Variants in HEG1 observed in about 807,000 individuals in gnomAD.
HEG1 encodes heart development protein with EGF like domains 1.
HEG1 carries 56 observed loss-of-function variants against 125.6 expected under a neutral mutation model. The ratio of observed to expected loss-of-function variants is 0.45; its 90% CI spans 0.36 to 0.56. HEG1 has a LOEUF of 0.56. HEG1 is among the 20% of genes least tolerant of loss of function. The pLI, the probability that HEG1 is intolerant of heterozygous loss-of-function variation, is 0.00. For synonymous variants in HEG1, 644 were observed against 668.5 expected (o/e 0.96, Z 0.57); for missense variants, 1,523 against 1,670.0 (o/e 0.91, Z 1.53).
chr3:124,981,308 T>C lies in HEG1; in HGVS notation c.3734-3362A>G, dbSNP rs113428470. Among the ~76,000 whole-genome samples the C allele has an allele frequency of 1.3e-3, 191 of 151,040 alleles. 1 individual carries two copies. Among genetic ancestry groups the C allele is most frequent in the African/African-American group, 4.5e-3 (186 of 41,078 alleles). On this transcript the variant is annotated intron_variant, in intron 14 of 16. Coordinates refer to ENST00000311127, the MANE Select transcript of HEG1 (RefSeq NM_020733.2). ...TGTGGACTGATATATTTGTGAAATA[T>C]AATAAAACTCTTTTCCAAGGCTCCC...
chr3:125,031,680 TACAC>T (rs10553826), intron 1 of HEG1, among the ~76,000 whole-genome samples: 3 of 125,198 alleles, frequency 2.4e-5, no homozygotes, highest in African/African-American at 8.4e-5. Flanking sequence ...CATACATACA[TACAC>T]ACACACACAC....
chr3:125,037,297 G>A (rs1352100732), intron 1 of HEG1, among the ~76,000 whole-genome samples: 4 of 152,164 alleles, frequency 2.6e-5, no homozygotes, highest in South Asian at 4.1e-4. Flanking sequence ...CCAGGTCTAC[G>A]GACCTGGAGA....
chr3:124,978,972 C>T (rs557219612), intron 14 of HEG1, among the ~76,000 whole-genome samples: 21 of 147,864 alleles, frequency 1.4e-4, no homozygotes, highest in East Asian at 1.4e-3. Context: ...TTTTCCGAGA[C>T]GGAGTCTTGC....
chr3:125,024,792 A>C (rs574013480), intron 3 of HEG1, among the ~76,000 whole-genome samples: 2 of 152,338 alleles, frequency 1.3e-5, no homozygotes, highest in East Asian at 3.9e-4. Context: ...ATACACGTGG[A>C]ATCATAGATG....
intron 12 of HEG1, among the ~76,000 whole-genome samples, chr3:124,995,806 C>T (rs1481321382): frequency 6.6e-6 from 1 of 152,214 alleles, no homozygotes; most frequent in African/African-American, 2.4e-5. Context: ...TTGCTGGTGC[C>T]TGTGTCAGCA....
intron 1 of HEG1, among the ~76,000 whole-genome samples, chr3:125,039,848 AAC>A (rs1937578487): frequency 6.7e-6 from 1 of 149,494 alleles, no homozygotes. Flanking sequence ...AAAAAAAAAA[AAC>A]AACAAAAAAA....
intron 1 of HEG1, among the ~76,000 whole-genome samples, chr3:125,034,626 T>C (rs1937535344): frequency 6.6e-6 from 1 of 152,044 alleles, no homozygotes; most frequent in Admixed American, 6.6e-5. Flanking sequence ...AGTGAGACCT[T>C]GTCTCTACAA....
chr3:124,972,356 A>G (rs1045805314), intron 16 of HEG1, among the ~76,000 whole-genome samples: 1 of 152,258 alleles, frequency 6.6e-6, no homozygotes. Flanking sequence ...CCTGATAAAC[A>G]GAGAAACAAA....
chr3:124,988,037 T>G (rs1420948653), intron 14 of HEG1, among the ~76,000 whole-genome samples: 1 of 150,724 alleles, frequency 6.6e-6, no homozygotes, highest in African/African-American at 2.4e-5. Context: ...AATTTCTGTC[T>G]GATTATTCAG....
chr3:125,044,365 G>T (rs1241304903), intron 1 of HEG1, among the ~76,000 whole-genome samples: 1 of 152,110 alleles, frequency 6.6e-6, no homozygotes, highest in Non-Finnish European at 1.5e-5. Context: ...GCTGAAAAGA[G>T]AAATAAGACA....
intron 12 of HEG1, among the ~76,000 whole-genome samples, chr3:124,994,698 G>T (rs1466864234): frequency 6.6e-6 from 1 of 152,080 alleles, no homozygotes; most frequent in Non-Finnish European, 1.5e-5. Flanking sequence ...TACAGACAGG[G>T]TTTCACCATA....
chr3:124,999,021 C>T lies in HEG1; in HGVS notation c.3518-1198G>A, dbSNP rs145607889. On this transcript the variant is annotated intron_variant, in intron 11 of 16. Transcript: ENST00000311127. ...GCCAACCTATTCAGAAGCCAGGTAC[C>T]CCTTTTAATGCTGCAAAACTGCCCC... 5.2e-3 allele frequency among the ~76,000 whole-genome samples: 789 copies of T among 152,266 alleles called. 8 individuals are homozygous for T. The highest frequency in any genetic ancestry group is 0.018 in the African/African-American group (756 of 41,540).
intron 1 of HEG1, among the ~76,000 whole-genome samples, chr3:125,032,094 G>A (rs1384591789): frequency 6.6e-6 from 1 of 152,134 alleles, no homozygotes; most frequent in East Asian, 1.9e-4. Flanking sequence ...TTAAAATCCA[G>A]TGAATGTTTT....
intron 3 of HEG1, among the ~76,000 whole-genome samples, chr3:125,023,536 G>T (rs796218111): frequency 6.6e-6 from 1 of 152,064 alleles, no homozygotes; most frequent in African/African-American, 2.4e-5. Flanking sequence ...TAATCCTCAC[G>T]GGAAAGCTAT....
At chr3:125,041,432 C>T (rs1253419502) in intron 1 of HEG1, among the ~76,000 whole-genome samples, 1 of 152,122 alleles carries the variant, frequency 6.6e-6, no homozygotes, top group African/African-American at 2.4e-5. Context: ...AGGCTATTAT[C>T]AAAAAGGAAG....
At chr3:124,981,567 T>A (rs1434362671) in intron 14 of HEG1, among the ~76,000 whole-genome samples, 1 of 152,210 alleles carries the variant, frequency 6.6e-6, no homozygotes, top group African/African-American at 2.4e-5. Flanking sequence ...TCAGTCATAC[T>A]GGGCAGGGGC....
At position 125,002,270 on chromosome 3, in the gene HEG1, C is replaced by A; in HGVS notation, c.3343G>T (p.Val1115Phe). 1.2e-6 allele frequency: 2 copies of A among 1,613,434 alleles called. No individual in the cohort carries two copies. Among genetic ancestry groups the A allele is most frequent in the Non-Finnish European group, 1.7e-6 (2 of 1,179,518 alleles). Residue 1115 changes from valine (V) to phenylalanine (F), a missense_variant, in exon 10 of 17, where the codon GTT becomes TTT. Val to Phe is a conservative substitution (Grantham distance 50, BLOSUM62 -1). Transcript: ENST00000311127. ...TCTGTTACTTACCTAGAGGCGTGAA[C>A]TGTAGATCGGATGTAACTAGGTAAC... is the stretch of plus-strand genomic sequence containing the variant. ...SALPSYIRST[V>F]HASRESNAVV...
At chr3:124,980,478 C>G (rs1483786004) in intron 14 of HEG1, among the ~76,000 whole-genome samples, 5 of 152,210 alleles carry the variant, frequency 3.3e-5, no homozygotes. Context: ...ATGGTGTACA[C>G]CAGTGCTTCT....
intron 16 of HEG1, among the ~76,000 whole-genome samples, chr3:124,973,017 A>ATTT (rs386397828): frequency 3.3e-5 from 5 of 150,428 alleles, no homozygotes; most frequent in Non-Finnish European, 7.4e-5. Context: ...TATTATTGCT[A>ATTT]TTATTATTAT....
Sources: allele counts gnomAD v4.1 joint callset (sites outside exome capture counted in the v4.1 genomes callset), GRCh38; gene constraint gnomAD v4.1.1; transcripts MANE v1.5; gene names NCBI Gene and HGNC (gene_info 2026-07-23, HGNC 2026-07-21).